The following DUSP19 variants were observed in gnomAD, a reference collection of about 807,000 sequenced individuals.
DUSP19 encodes dual specificity protein phosphatase 19.
DUSP19 carries 14 observed loss-of-function variants against 16.6 expected under a neutral mutation model. That is an observed-to-expected ratio of 0.84 (90% confidence interval 0.56 to 1.32). The LOEUF is 1.32. Among genes scored for constraint, DUSP19 ranks in the 40% most tolerant of loss-of-function variants. The pLI is 0.00. For synonymous variants in DUSP19, 81 were observed against 90.5 expected, an observed-to-expected ratio of 0.90 and a Z score of 0.59; for missense variants, 258 against 255.9, an observed-to-expected ratio of 1.01 and a Z score of -0.06.
At chr2:183,085,861 T>G (rs950627093) in intron 2 of DUSP19, among the ~76,000 whole-genome samples, 6 of 119,180 alleles carry the variant, frequency 5.0e-5, no homozygotes, top group South Asian at 3.1e-4. Flanking sequence ...TTTTTTTTTT[T>G]TTTTTTTTTT....
intron 3 of DUSP19, 144 bp downstream of exon 3, chr2:183,087,336 A>G: frequency 4.4e-6 from 4 of 905,332 alleles, no homozygotes; most frequent in Non-Finnish European, 6.4e-6. Context: ...TATTTCCTAC[A>G]ATTATTTGGT....
In DUSP19 at chr2:183,095,708, A is replaced by G. The variant is rs1341107699; in HGVS notation, c.*50A>G. 2 of 1,446,622 alleles carry G rather than the reference A, an allele frequency of 1.4e-6. No individual in the cohort carries two copies. Among genetic ancestry groups the G allele is most frequent in the East Asian group, 2.3e-5 (1 of 43,048 alleles). The allele number at this position is 1,446,622 out of a possible 1,614,324, so 89.6% of individuals were successfully genotyped here. The stretch of plus-strand genomic sequence containing the variant: ...AACTGTAGTTTCTGAATTGACTTCT[A>G]TAGCCATCTTTTCCCTTTTTTGGAG... On this transcript the variant is annotated 3_prime_UTR_variant, in exon 4 of 4. Coordinates refer to ENST00000354221, the MANE Select transcript of DUSP19 (RefSeq NM_080876.4).
intron 3 of DUSP19, among the ~76,000 whole-genome samples, chr2:183,094,837 C>T (rs1699777119): frequency 6.6e-6 from 1 of 152,182 alleles, no homozygotes; most frequent in Non-Finnish European, 1.5e-5. Context: ...AAGCCATTGA[C>T]ACTAGCTTAT....
intron 3 of DUSP19, among the ~76,000 whole-genome samples, chr2:183,091,775 C>T (rs1330341452): frequency 3.9e-5 from 6 of 152,278 alleles, no homozygotes; most frequent in South Asian, 2.1e-4. Flanking sequence ...CAGTAGCCCC[C>T]GGTGCTTTTG....
intron 3 of DUSP19, among the ~76,000 whole-genome samples, chr2:183,090,330 T>A (rs2105503582): frequency 6.6e-6 from 1 of 152,308 alleles, no homozygotes; most frequent in South Asian, 2.1e-4. Context: ...AAAACTCTAT[T>A]TGGCTTCTCT....
intron 3 of DUSP19, among the ~76,000 whole-genome samples, chr2:183,092,600 A>G (rs988264422): frequency 1.3e-5 from 2 of 151,616 alleles, no homozygotes; most frequent in Admixed American, 6.6e-5. Context: ...ATAGTATTCC[A>G]TGGGGTATAT....
Position 183,095,536 on chromosome 2 carries a change from T to G in DUSP19, c.532T>G (p.Ser178Ala). 1 of 1,614,086 alleles carries G rather than the reference T, an allele frequency of 6.2e-7. No individual in the cohort carries two copies. Among genetic ancestry groups the G allele is most frequent in the Non-Finnish European group, 8.5e-7 (1 of 1,179,986 alleles). ...ACAAACCTCATTTACCAGTGCTTTT[T>G]CTTTGGTGAAAAATGCAAGACCTTC... ...SEQTSFTSAF[S>A]LVKNARPSIC... The change falls in exon 4 of 4, where the codon TCT becomes GCT. Residue 178 changes from serine (S) to alanine (A), a missense_variant. By Grantham distance (99) the Ser-to-Ala change is moderately conservative. Coordinates refer to ENST00000354221, the MANE Select transcript of DUSP19 (RefSeq NM_080876.4).
intron 1 of DUSP19, among the ~76,000 whole-genome samples, chr2:183,079,950 G>A (rs559590815): frequency 6.6e-6 from 1 of 152,330 alleles, no homozygotes; most frequent in Admixed American, 6.5e-5. Context: ...AGAAGACTGA[G>A]AAATAGCCCA....
At position 183,085,847 on chromosome 2, in the gene DUSP19, G is replaced by GTTTTT. The variant is rs71008261; in HGVS notation, c.274-1161_274-1157dup. Among the ~76,000 whole-genome samples, 43 of 50,922 alleles carry GTTTTT rather than the reference G, an allele frequency of 8.4e-4. 9 individuals are homozygous for GTTTTT. The highest frequency in any genetic ancestry group is 4.6e-3 in the East Asian group (4 of 870). The allele number at this position is 50,922 out of a possible 152,430, so 33.4% of individuals were successfully genotyped here. On this transcript the variant is annotated intron_variant, in intron 2 of 3. Coordinates refer to ENST00000354221, the MANE Select transcript of DUSP19 (RefSeq NM_080876.4). ...GTACAGATGTGGACAAGGTTGTTAG[G>GTTTTT]TTTTTTTTTTTTTTTTTTTTTTTTT...
intron 3 of DUSP19, among the ~76,000 whole-genome samples, chr2:183,093,794 T>C (rs957441430): frequency 3.9e-5 from 6 of 152,196 alleles, no homozygotes; most frequent in African/African-American, 1.4e-4. Flanking sequence ...AGCCGACTAG[T>C]ATATAAGCAG....
chr2:183,091,833 G>C (rs72890368), intron 3 of DUSP19, among the ~76,000 whole-genome samples: 11,324 of 152,190 alleles, frequency 0.074, 634 homozygotes, highest in Non-Finnish European at 0.12. Flanking sequence ...TTAGTTCTGG[G>C]AAATCGGAGT....
rs1366810495 is a variant in DUSP19 at position 183,097,819 on chromosome 2, T to G, written c.*2161T>G. 6.6e-6 allele frequency: 1 copy of G among 152,232 alleles called. No homozygotes were observed. Among genetic ancestry groups the G allele is most frequent in the East Asian group, 1.9e-4 (1 of 5,190 alleles). The allele number at this position is 152,232 out of a possible 1,614,324, so 9.4% of individuals were successfully genotyped here. A position where few individuals can be genotyped will look rare whatever the true frequency, so the allele number is the denominator to read the frequency against. ...TAGTTTTCAGCCATTAAATGTCACA[T>G]GAAGCCTTGATAGAATTTGTTCATA... is the stretch of plus-strand genomic sequence containing the variant. On this transcript the variant is annotated 3_prime_UTR_variant, in exon 4 of 4. Coordinates refer to ENST00000354221, the MANE Select transcript of DUSP19 (RefSeq NM_080876.4).
chr2:183,094,182 T>C (rs1699768198), intron 3 of DUSP19, among the ~76,000 whole-genome samples: 1 of 152,220 alleles, frequency 6.6e-6, no homozygotes, highest in Non-Finnish European at 1.5e-5. Context: ...ACTAATTTTG[T>C]TATTAATCAT....
rs970153923 is a variant in DUSP19 at position 183,078,814 on chromosome 2, C to T, written c.-120C>T. On this transcript the variant is annotated 5_prime_UTR_variant, in exon 1 of 4. Transcript: ENST00000354221. ...CTTGGTCTGTGGCTGCTGCGGTTAC[C>T]TGGATGGGCGAGCACCTCTGAGGCT... is the stretch of plus-strand genomic sequence containing the variant. 2 of 843,728 alleles carry T rather than the reference C, an allele frequency of 2.4e-6. No individual in the cohort carries two copies. The highest frequency in any genetic ancestry group is 3.4e-5 in the African/African-American group (2 of 58,866). 52.3% of individuals were successfully genotyped at this position (843,728 alleles called of 1,614,324 possible).
At chr2:183,093,617 TA>T (rs1275981777) in intron 3 of DUSP19, among the ~76,000 whole-genome samples, 2 of 152,112 alleles carry the variant, frequency 1.3e-5, no homozygotes, top group African/African-American at 2.4e-5. Context: ...TAATCAAAAG[TA>T]GAAAGTAGGT....
At chr2:183,086,683 T>A (rs973182348) in intron 2 of DUSP19, among the ~76,000 whole-genome samples, 5 of 139,514 alleles carry the variant, frequency 3.6e-5, no homozygotes, top group African/African-American at 1.4e-4. Context: ...ATTAGCTGGG[T>A]GTGGTGGTAC....
intron 1 of DUSP19, 120 bp downstream of exon 1, chr2:183,079,279 T>C: frequency 9.7e-7 from 1 of 1,035,450 alleles, no homozygotes; most frequent in African/African-American, 1.6e-5. Flanking sequence ...GCTGAACTGT[T>C]TCCTTTTTTG....
At chr2:183,079,667 T>A (rs188785656) in intron 1 of DUSP19, among the ~76,000 whole-genome samples, 33 of 152,324 alleles carry the variant, frequency 2.2e-4, no homozygotes, top group African/African-American at 7.9e-4. Context: ...TTTTGGAGTG[T>A]TTAAGAGAAG....
chr2:183,083,175 T>G (rs1470755719), intron 1 of DUSP19, among the ~76,000 whole-genome samples: 3 of 152,204 alleles, frequency 2.0e-5, no homozygotes, highest in Non-Finnish European at 4.4e-5. Flanking sequence ...TACACAATTA[T>G]ACCATTTTTT....
Sources: allele counts gnomAD v4.1 joint callset (sites outside exome capture counted in the v4.1 genomes callset), GRCh38; gene constraint gnomAD v4.1.1; transcripts MANE v1.5; gene names NCBI Gene and HGNC (gene_info 2026-07-23, HGNC 2026-07-21).